ADAM18: variants seen among roughly 807,000 people sequenced by gnomAD.
The protein encoded by ADAM18 is disintegrin and metalloproteinase domain-containing protein 18.
Under a neutral mutation model 94.4 loss-of-function variants are expected in ADAM18, and 117 were observed. The observed-to-expected ratio is 1.24, with a 90% CI of 1.07 to 1.45. The LOEUF is 1.45. Among genes scored for constraint, ADAM18 ranks in the 40% most tolerant of loss-of-function variants. The pLI is 0.00. For missense variants in ADAM18, 936 were observed against 880.0 expected (o/e 1.06, Z -0.81); for synonymous variants, 327 against 291.6 (o/e 1.12, Z -1.24).
Position 39,609,054 on chromosome 8 carries a change from C to G in ADAM18, c.201C>G (p.Pro67=), listed in dbSNP as rs754896112. 1.1e-4 allele frequency: 170 copies of G among 1,574,056 alleles called. No individual in the cohort carries two copies. The highest frequency in any genetic ancestry group is 1.7e-6 in the Non-Finnish European group (2 of 1,158,374). The change falls in exon 4 of 20, where the codon CCC becomes CCG. Residue 67 remains proline, a synonymous_variant. Transcript: ENST00000265707. ...CTTGGTTTTTTAGATCATTCTTACC[C>G]CAGAACTTTTTGGTTTATACATATA... is the stretch of plus-strand genomic sequence containing the variant. The part of the protein sequence containing the change: ...TLHLGKQSFL[P]QNFLVYTYNE...
In ADAM18 at chr8:39,597,973, A is replaced by G. The variant is rs894157822; in HGVS notation, c.133-8334A>G. On this transcript the variant is annotated intron_variant, in intron 2 of 19. Transcript: ENST00000265707. Reference sequence around the variant, plus strand: ...TTTCATCAATTTTGAAGTTTTTCTCATGTAGATGTTGTACATATTTTGCTA... The same window carrying G: ...TTTCATCAATTTTGAAGTTTTTCTCGTGTAGATGTTGTACATATTTTGCTA... Among the ~76,000 whole-genome samples the G allele has an allele frequency of 2.2e-4, 33 of 152,234 alleles. No homozygotes were observed. In the East Asian group the frequency reaches 4.0e-3, roughly 19 times the overall value.
intron 6 of ADAM18, among the ~76,000 whole-genome samples, chr8:39,618,433 T>C (rs1370945799): frequency 6.6e-6 from 1 of 152,190 alleles, no homozygotes; most frequent in Non-Finnish European, 1.5e-5. Context: ...TATGCAGAAG[T>C]ACAGTATACA....
At chr8:39,674,686 T>A (rs1821250818) in intron 14 of ADAM18, among the ~76,000 whole-genome samples, 1 of 152,182 alleles carries the variant, frequency 6.6e-6, no homozygotes, top group African/African-American at 2.4e-5. Flanking sequence ...TGGTTATTTT[T>A]CCCATTAATT....
chr8:39,636,177 C>CATTTTT (rs1820071605), intron 7 of ADAM18, among the ~76,000 whole-genome samples: 1 of 151,810 alleles, frequency 6.6e-6, no homozygotes, highest in Non-Finnish European at 1.5e-5. Flanking sequence ...CACCACAATG[C>CATTTTT]CTGGATAATT....
rs536489510 is a variant in ADAM18, at chr8:39,635,443, T to G, written c.589-1821T>G. 4.6e-4 allele frequency among the ~76,000 whole-genome samples: 70 copies of G among 152,290 alleles called. No individual in the cohort carries two copies. In the South Asian group the frequency reaches 0.014, roughly 31 times the overall value. On this transcript the variant is annotated intron_variant, in intron 7 of 19. Coordinates refer to ENST00000265707, the MANE Select transcript of ADAM18 (RefSeq NM_014237.3). ...CTGCATTTTATTATTTTAAACTTAT[T>G]ATTTTGAAAGAACTTTAGACTTACA...
At chr8:39,704,106 T>A (rs143335935) in intron 17 of ADAM18, among the ~76,000 whole-genome samples, 1 of 152,164 alleles carries the variant, frequency 6.6e-6, no homozygotes, top group African/African-American at 2.4e-5. Flanking sequence ...GGACGATAGA[T>A]TCACAGGTGA....
rs1820754962 is a variant in ADAM18, at chr8:39,658,800, G to A, written c.1231-4995G>A. ...TCTAAGTAAAAATAACACTGCATTA[G>A]GGAGGGTTGAAAATGGAATAATGCT... On this transcript the variant is annotated intron_variant, in intron 12 of 19. Coordinates refer to ENST00000265707, the MANE Select transcript of ADAM18 (RefSeq NM_014237.3). Among the ~76,000 whole-genome samples, 3 of 152,140 alleles carry A rather than the reference G, an allele frequency of 2.0e-5. No homozygotes were observed. The South Asian group carries it at 6.2e-4, about 32-fold the overall frequency.
intron 2 of ADAM18, among the ~76,000 whole-genome samples, chr8:39,591,309 G>A (rs1818563994): frequency 6.6e-6 from 1 of 152,072 alleles, no homozygotes; most frequent in African/African-American, 2.4e-5. Flanking sequence ...TCTATAGTAT[G>A]CAATGCTGTT....
intron 2 of ADAM18, among the ~76,000 whole-genome samples, chr8:39,590,037 G>A (rs1259236870): frequency 6.7e-6 from 1 of 149,692 alleles, no homozygotes; most frequent in East Asian, 1.9e-4. Flanking sequence ...CAATTCCTCA[G>A]GGATCTAGAA....
At chr8:39,702,836 T>A (rs1822125879) in intron 17 of ADAM18, among the ~76,000 whole-genome samples, 1 of 152,090 alleles carries the variant, frequency 6.6e-6, no homozygotes, top group African/African-American at 2.4e-5. Context: ...GTTCCATAGG[T>A]CTATGTGTTC....
At chr8:39,694,517 T>TACTTTACG (rs1479889043) in intron 17 of ADAM18, among the ~76,000 whole-genome samples, 2 of 151,714 alleles carry the variant, frequency 1.3e-5, no homozygotes, top group African/African-American at 4.8e-5. Context: ...TTATATCTTG[T>TACTTTACG]ACTTTACGTT....
intron 3 of ADAM18, among the ~76,000 whole-genome samples, chr8:39,607,246 T>G (rs1219927584): frequency 6.6e-6 from 1 of 152,202 alleles, no homozygotes; most frequent in African/African-American, 2.4e-5. Context: ...AGCCCTCATG[T>G]TTTCTCAGTT....
chr8:39,721,066 C>CA (rs1159257625), intron 18 of ADAM18, among the ~76,000 whole-genome samples: 1 of 151,378 alleles, frequency 6.6e-6, no homozygotes, highest in Non-Finnish European at 1.5e-5. Context: ...CTATAAGCAA[C>CA]AACATCTGTG....
At chr8:39,608,978 A>G in intron 3 of ADAM18, 64 bp from the exon 4 acceptor site, 1 of 923,454 alleles carries the variant, frequency 1.1e-6, no homozygotes. Context: ...TGTATGTAAT[A>G]TTTGTTTTTA....
At chr8:39,666,283 A>G (rs1163898202) in intron 13 of ADAM18, among the ~76,000 whole-genome samples, 2 of 152,070 alleles carry the variant, frequency 1.3e-5, no homozygotes, top group African/African-American at 2.4e-5. Flanking sequence ...CAAGCAATCT[A>G]TCCCCCTAGG....
intron 18 of ADAM18, among the ~76,000 whole-genome samples, chr8:39,721,397 A>G (rs1311675435): frequency 2.6e-5 from 4 of 151,572 alleles, no homozygotes; most frequent in African/African-American, 7.2e-5. Flanking sequence ...AACGAAAGTA[A>G]AAATGGACAA....
chr8:39,649,909 C>T (rs1403045027), intron 12 of ADAM18, among the ~76,000 whole-genome samples: 5 of 152,130 alleles, frequency 3.3e-5, no homozygotes. Context: ...CCCGCCTCTT[C>T]TTGTAAATGA....
chr8:39,646,179 A>C (rs1563289273), intron 11 of ADAM18, among the ~76,000 whole-genome samples: 1 of 152,052 alleles, frequency 6.6e-6, no homozygotes, highest in Non-Finnish European at 1.5e-5. Context: ...GTCATCTCAG[A>C]TTTTGCTCTT....
intron 6 of ADAM18, among the ~76,000 whole-genome samples, chr8:39,625,441 C>G (rs1282208681): frequency 1.3e-5 from 2 of 151,830 alleles, no homozygotes; most frequent in East Asian, 1.9e-4. Flanking sequence ...TCTAGAGGAG[C>G]CTTTTAGGGT....
Sources: allele counts gnomAD v4.1 joint callset (sites outside exome capture counted in the v4.1 genomes callset), GRCh38; gene constraint gnomAD v4.1.1; transcripts MANE v1.5; gene names NCBI Gene and HGNC (gene_info 2026-07-23, HGNC 2026-07-21).